The following MAPK14 variants were observed in gnomAD, a reference collection of about 807,000 sequenced individuals.
The protein encoded by MAPK14 is CSAID-binding protein.
MAPK14 carries 16 observed loss-of-function variants against 49.6 expected under a neutral mutation model. The ratio of observed to expected loss-of-function variants is 0.32; its 90% CI spans 0.22 to 0.49. MAPK14 has a LOEUF of 0.49. MAPK14 is among the 20% of genes least tolerant of loss of function. The pLI is 0.99. For synonymous variants in MAPK14, 142 were observed against 158.0 expected (o/e 0.90, Z 0.76); for missense variants, 200 against 441.2 (o/e 0.45, Z 4.90).
intron 1 of MAPK14, among the ~76,000 whole-genome samples, chr6:36,047,420 C>T (rs1211529801): frequency 6.6e-6 from 1 of 152,112 alleles, no homozygotes; most frequent in Admixed American, 6.5e-5. Context: ...AGCACAGGAA[C>T]AGGTGGAATA....
At chr6:36,064,062 C>CTTTGTG (rs1452520319) in intron 3 of MAPK14, among the ~76,000 whole-genome samples, 5 of 80,316 alleles carry the variant, frequency 6.2e-5, no homozygotes, top group Non-Finnish European at 1.2e-4. Context: ...ATTGCCTTTT[C>CTTTGTG]TTTGTGTGTG....
intron 1 of MAPK14, among the ~76,000 whole-genome samples, chr6:36,042,979 C>T (rs903474083): frequency 5.3e-5 from 8 of 151,914 alleles, no homozygotes; most frequent in Admixed American, 2.0e-4. Flanking sequence ...AAAAAATTAG[C>T]CAGGCGTCGT....
chr6:36,039,337 T>A (rs961835248), intron 1 of MAPK14, among the ~76,000 whole-genome samples: 4 of 152,348 alleles, frequency 2.6e-5, no homozygotes, highest in African/African-American at 9.6e-5. Flanking sequence ...AGACCTGCTG[T>A]CTGAGTACCA....
At chr6:36,113,205 G>T (rs1766004926), downstream of MAPK14, among the ~76,000 whole-genome samples, 2 of 152,072 alleles carry the variant, frequency 1.3e-5, no homozygotes, top group South Asian at 4.1e-4. Context: ...GCCAGGTGTG[G>T]TGGTGCATGC....
Position 36,110,219 on chromosome 6 carries a change from A to C in MAPK14, c.*1772A>C, listed in dbSNP as rs1395386365. 6.6e-6 allele frequency: 1 copy of C among 152,158 alleles called. No individual in the cohort carries two copies. Among genetic ancestry groups the C allele is most frequent in the Non-Finnish European group, 1.5e-5 (1 of 68,018 alleles). The allele number at this position is 152,158 out of a possible 1,614,324, so 9.4% of individuals were successfully genotyped here. On this transcript the variant is annotated 3_prime_UTR_variant, in exon 12 of 12. Coordinates refer to ENST00000229794, the MANE Select transcript of MAPK14 (RefSeq NM_139012.3). ...CTTGTATTTGGGCCAAGGTGTTTCC[A>C]TTTCTCAATCAGTGCAGTGATACAT... is the stretch of plus-strand genomic sequence containing the variant.
At chr6:36,102,839 G>C in intron 10 of MAPK14, 190 bp downstream of exon 10, 1 of 918,582 alleles carries the variant, frequency 1.1e-6, no homozygotes, top group Non-Finnish European at 1.6e-6. Context: ...ATGATTGTAT[G>C]TTTAAATGAT....
intron 1 of MAPK14, among the ~76,000 whole-genome samples, chr6:36,040,909 G>A (rs942937238): frequency 2.6e-5 from 4 of 152,176 alleles, no homozygotes; most frequent in African/African-American, 7.2e-5. Flanking sequence ...GCAAGAAGTA[G>A]TACATTGTGA....
At chr6:36,040,642 A>C in intron 1 of MAPK14, among the ~76,000 whole-genome samples, 1 of 152,194 alleles carries the variant, frequency 6.6e-6, no homozygotes, top group East Asian at 1.9e-4. Context: ...ACAACTAATT[A>C]GTGAGGGAGA....
intron 3 of MAPK14, 90 bp from the exon 4 acceptor site, chr6:36,072,782 CA>C (rs952681834): frequency 2.3e-5 from 17 of 728,526 alleles, no homozygotes; most frequent in Non-Finnish European, 2.9e-5. Context: ...AAACAAAAAC[CA>C]AAAAAACCAA....
At chr6:36,122,244 C>T in the MAPK14 span, among the ~76,000 whole-genome samples, 1 of 152,358 alleles carries the variant, frequency 6.6e-6, no homozygotes, top group East Asian at 1.9e-4. Context: ...ACCCTGTGGC[C>T]TCTGCCCTGG....
chr6:36,085,988 CTAAGAT>C (rs1317975061), intron 8 of MAPK14, among the ~76,000 whole-genome samples: 3 of 152,100 alleles, frequency 2.0e-5, no homozygotes, highest in Non-Finnish European at 4.4e-5. Flanking sequence ...CAAATTAGAA[CTAAGAT>C]TAAGAAACTC....
At chr6:36,102,476 C>T (rs1765668991) in intron 9 of MAPK14, 95 bp from the exon 10 acceptor site, 4 of 891,374 alleles carry the variant, frequency 4.5e-6, no homozygotes, top group Non-Finnish European at 7.3e-6. Flanking sequence ...TGGACTTTGT[C>T]AGTTAACACT....
intron 1 of MAPK14, among the ~76,000 whole-genome samples, chr6:36,049,755 G>A (rs1008093096): frequency 6.6e-6 from 1 of 152,210 alleles, no homozygotes; most frequent in Non-Finnish European, 1.5e-5. Flanking sequence ...CACTGATGAT[G>A]CAAGAGAGAA....
At chr6:36,046,312 A>G (rs1179395492) in intron 1 of MAPK14, among the ~76,000 whole-genome samples, 1 of 152,216 alleles carries the variant, frequency 6.6e-6, no homozygotes, top group East Asian at 1.9e-4. Context: ...CTTGTTAAAC[A>G]GTATGTCCTG....
At chr6:36,043,814 T>C (rs1581741192) in intron 1 of MAPK14, among the ~76,000 whole-genome samples, 1 of 141,294 alleles carries the variant, frequency 7.1e-6, no homozygotes, top group Non-Finnish European at 1.5e-5. Context: ...CTTTTTTTTT[T>C]TTTTTTTTTT....
intron 1 of MAPK14, among the ~76,000 whole-genome samples, chr6:36,049,411 C>G (rs951240753): frequency 6.6e-6 from 1 of 152,110 alleles, no homozygotes; most frequent in Non-Finnish European, 1.5e-5. Context: ...GTCCATGGAG[C>G]ACACTTTGAA....
At chr6:36,031,282 G>T (rs1762532625) in intron 1 of MAPK14, among the ~76,000 whole-genome samples, 1 of 152,100 alleles carries the variant, frequency 6.6e-6, no homozygotes, top group South Asian at 2.1e-4. Flanking sequence ...CCAAAGTGCT[G>T]GGATTATAGG....
chr6:36,108,239 T>G, intron 11 of MAPK14, 141 bp from the exon 12 acceptor site: 1 of 662,548 alleles, frequency 1.5e-6, no homozygotes, highest in East Asian at 2.7e-5. Context: ...TCCAGTAGGC[T>G]ATTACATACA....
intron 10 of MAPK14, among the ~76,000 whole-genome samples, chr6:36,106,179 A>G (rs2127475753): frequency 6.6e-6 from 1 of 152,320 alleles, no homozygotes; most frequent in African/African-American, 2.4e-5. Flanking sequence ...TTTTTGCTGA[A>G]AATGTTTAAC....
Sources: gnomAD v4.1 joint callset for allele counts (sites outside exome capture counted in the v4.1 genomes callset) on GRCh38, gnomAD v4.1.1 for gene constraint, MANE v1.5 for transcripts, NCBI Gene and HGNC (gene_info 2026-07-23, HGNC 2026-07-21) for gene names.